TEX2: variants seen among roughly 807,000 people sequenced by gnomAD.
The protein encoded by TEX2 is testis-expressed protein 2.
In TEX2, 53 loss-of-function variants were observed where a neutral mutation model predicts 106.9. The observed-to-expected ratio is 0.50, with a 90% confidence interval of 0.40 to 0.62. The LOEUF is 0.62. Among genes scored for constraint, TEX2 ranks in the 20% least tolerant of loss-of-function variants. The pLI is 0.00. For synonymous variants in TEX2, 523 were observed against 534.8 expected (o/e 0.98, Z 0.30); for missense variants, 1,207 against 1,379.0 (o/e 0.88, Z 1.98).
chr17:64,255,021 C>T (rs922889797), intron 1 of TEX2, among the ~76,000 whole-genome samples: 1 of 145,576 alleles, frequency 6.9e-6, no homozygotes, highest in African/African-American at 2.5e-5. Flanking sequence ...TGTGTCACTG[C>T]ATCTGGCTTT....
chr17:64,220,086 G>A (rs1555633113), intron 1 of TEX2, among the ~76,000 whole-genome samples: 1 of 152,224 alleles, frequency 6.6e-6, no homozygotes, highest in Non-Finnish European at 1.5e-5. Flanking sequence ...AAGGAATGCA[G>A]GTGGCCTATG....
intron 5 of TEX2, among the ~76,000 whole-genome samples, chr17:64,187,724 C>T (rs1385435142): frequency 2.6e-5 from 4 of 152,114 alleles, no homozygotes; most frequent in Non-Finnish European, 4.4e-5. Context: ...ATGCCTACAG[C>T]GGGCCCTTGG....
chr17:64,156,249 C>T (rs2030622388), intron 8 of TEX2: 2 of 152,318 alleles, frequency 1.3e-5, no homozygotes, highest in Admixed American at 6.5e-5. Context: ...GGACTGAAAC[C>T]TCTACACTGG....
chr17:64,223,685 G>A (rs1001278189), intron 1 of TEX2, among the ~76,000 whole-genome samples: 1 of 149,902 alleles, frequency 6.7e-6, no homozygotes, highest in Non-Finnish European at 1.5e-5. Flanking sequence ...TCCAGGTACA[G>A]TGTACAGTGA....
intron 1 of TEX2, among the ~76,000 whole-genome samples, chr17:64,238,342 C>T (rs1416886579): frequency 6.6e-6 from 1 of 152,128 alleles, no homozygotes; most frequent in African/African-American, 2.4e-5. Context: ...CATTTCAAAA[C>T]TGTCTGTGTA....
At position 64,171,156 on chromosome 17, in the gene TEX2, A is replaced by G. The variant is rs2031377664; in HGVS notation, c.2615T>C (p.Met872Thr). The G allele has an allele frequency of 2.5e-6, 4 of 1,614,022 alleles. No homozygotes were observed. The highest frequency in any genetic ancestry group is 1.3e-5 in the African/African-American group (1 of 74,944). The change falls in exon 7 of 12, where the codon ATG (methionine) becomes ACG (threonine). Residue 872 changes from methionine (M) to threonine (T), a missense_variant. Met to Thr is a moderately conservative substitution (Grantham distance 81, BLOSUM62 -1). Around this residue, in one of 3 missense-constraint regions of TEX2, gnomAD observed 1,067 missense variants for 1,193.6 expected, o/e 0.89. Coordinates refer to ENST00000584379, the MANE Select transcript of TEX2 (RefSeq NM_001288732.2). The part of the protein sequence containing the change: ...MNELTLTELD[M>T]GVAVPKILQA... The stretch of plus-strand genomic sequence containing the variant: ...GAGGATTTTTGGCACAGCCACGCCC[A>G]TGTCAAGTTCCGTCAGAGTGAGCTC...
chr17:64,153,229 T>C lies in TEX2; in HGVS notation c.2931-75A>G. 9.9e-7 allele frequency: 1 copy of C among 1,010,220 alleles called. No individual in the cohort carries two copies. Among genetic ancestry groups the C allele is most frequent in the Non-Finnish European group, 1.5e-6 (1 of 668,160 alleles). 62.6% of individuals were successfully genotyped at this position (1,010,220 alleles called of 1,614,324 possible). A position where few individuals can be genotyped will look rare whatever the true frequency, so the allele number is the denominator to read the frequency against. On this transcript the variant is annotated intron_variant, in intron 9 of 11. Transcript: ENST00000584379. This position sits in a 1 kb window ranked among gnomAD's most constrained non-coding sequence, Gnocchi z 4.1. ...ACAGACAAAAACCTGTGGCTCTTCG[T>C]TCCCCTTACTTTAGAGCACCACTCG... is the stretch of plus-strand genomic sequence containing the variant.
At chr17:64,182,750 A>G (rs1164932056) in intron 5 of TEX2, among the ~76,000 whole-genome samples, 3 of 151,984 alleles carry the variant, frequency 2.0e-5, no homozygotes, top group Non-Finnish European at 2.9e-5. Context: ...GACTCCCCTC[A>G]CTAATGTTTT....
At chr17:64,260,027 T>G (rs2034262235) in intron 1 of TEX2, among the ~76,000 whole-genome samples, 1 of 152,244 alleles carries the variant, frequency 6.6e-6, no homozygotes, top group Admixed American at 6.5e-5. Flanking sequence ...TAATTTACCC[T>G]TAAGGTCACA....
At position 64,214,155 on chromosome 17, in the gene TEX2, A is replaced by T. The variant is rs1555632276; in HGVS notation, c.63T>A (p.Pro21=). ...KTTDMPKPSA[P]KVHVQRSVSR... ...ACACGGACCTCTGCACGTGCACTTT[A>T]GGGGCTGATGGTTTTGGCATGTCAG... Residue 21 remains proline, a synonymous_variant, in exon 2 of 12, where the codon CCT becomes CCA. Transcript: ENST00000584379. The T allele has an allele frequency of 6.2e-7, 1 of 1,613,920 alleles. No homozygotes were observed. Among genetic ancestry groups the T allele is most frequent in the East Asian group, 2.2e-5 (1 of 44,894 alleles).
rs1213703764 is a variant in TEX2 at position 64,153,025 on chromosome 17, G to A, written c.3060C>T (p.Pro1020=). ...CTTGTACTTCAACAGTGAGCAGCAG[G>A]GGTGTGTTGGAGACTTCTTCGATCT... ...KKKIEEVSNT[P]LLLTVEVQEC... The change falls in exon 10 of 12, where the codon CCC becomes CCT. Residue 1020 remains proline (P), a synonymous_variant. Coordinates refer to ENST00000584379, the MANE Select transcript of TEX2 (RefSeq NM_001288732.2). This position sits in a 1 kb window ranked among gnomAD's most constrained non-coding sequence, Gnocchi z 4.1. 4 of 1,614,044 alleles carry A rather than the reference G, an allele frequency of 2.5e-6. No individual in the cohort carries two copies. The highest frequency in any genetic ancestry group is 1.3e-5 in the African/African-American group (1 of 74,914).
At chr17:64,206,246 T>A (rs1245703702) in intron 2 of TEX2, among the ~76,000 whole-genome samples, 1 of 152,114 alleles carries the variant, frequency 6.6e-6, no homozygotes, top group African/African-American at 2.4e-5. Flanking sequence ...ACACAGGGGG[T>A]GTCACTACAG....
intron 7 of TEX2, among the ~76,000 whole-genome samples, chr17:64,167,883 C>T (rs572517193): frequency 7.9e-5 from 12 of 152,164 alleles, no homozygotes; most frequent in Admixed American, 5.9e-4. Context: ...TTGCCTGAGG[C>T]CACGAAGCTG....
chr17:64,247,309 A>G lies in TEX2; in HGVS notation c.-26+15859T>C, dbSNP rs1215023539. On this transcript the variant is annotated intron_variant, in intron 1 of 11. Coordinates refer to ENST00000584379, the MANE Select transcript of TEX2 (RefSeq NM_001288732.2). ...AAAGAAAAGAAAAGAAAGAAAGAAGAAGGCAGAGGAGGAAGAAGAGGAATA... is the reference window on the plus strand; with the variant it reads ...AAAGAAAAGAAAAGAAAGAAAGAAGGAGGCAGAGGAGGAAGAAGAGGAATA... Among the ~76,000 whole-genome samples the G allele has an allele frequency of 5.9e-5, 9 of 151,886 alleles. 1 individual carries two copies. The highest frequency in any genetic ancestry group is 2.2e-4 in the African/African-American group (9 of 41,370).
intron 2 of TEX2, among the ~76,000 whole-genome samples, chr17:64,203,200 G>T (rs562696057): frequency 6.6e-6 from 1 of 152,186 alleles, no homozygotes; most frequent in Non-Finnish European, 1.5e-5. Context: ...ATAGCCCGAG[G>T]AAGTGATGAG....
intron 11 of TEX2, chr17:64,149,340 A>C: frequency 2.3e-6 from 1 of 441,364 alleles, no homozygotes; most frequent in Non-Finnish European, 4.1e-6. Flanking sequence ...TTTTGTATAC[A>C]TATAATAAGG....
chr17:64,202,161 G>A (rs372071356), intron 2 of TEX2, among the ~76,000 whole-genome samples: 1 of 152,134 alleles, frequency 6.6e-6, no homozygotes, highest in African/African-American at 2.4e-5. Context: ...GACAGAAATC[G>A]GATGGGCTAA....
chr17:64,240,232 G>GAT (rs1567964355), intron 1 of TEX2, among the ~76,000 whole-genome samples: 1 of 130,910 alleles, frequency 7.6e-6, no homozygotes, highest in African/African-American at 3.5e-5. Context: ...TGTATATGCA[G>GAT]ATGTGTGTGT....
In TEX2 at chr17:64,205,005, A is replaced by G. The variant is rs2032784670; in HGVS notation, c.1644+7569T>C. ...AATATTTTCATCAATAAATAGTTTAAAAATGAAAGTTCAAAAAAGTCATTT... is the reference window on the plus strand; with the variant it reads ...AATATTTTCATCAATAAATAGTTTAGAAATGAAAGTTCAAAAAAGTCATTT... On this transcript the variant is annotated intron_variant, in intron 2 of 11. Coordinates refer to ENST00000584379, the MANE Select transcript of TEX2 (RefSeq NM_001288732.2). The surrounding 1 kb of genome is among the most constrained non-coding windows in gnomAD (Gnocchi z 4.0). 6.6e-6 allele frequency among the ~76,000 whole-genome samples: 1 copy of G among 152,216 alleles called. No homozygotes were observed. The highest frequency in any genetic ancestry group is 1.5e-5 in the Non-Finnish European group (1 of 68,040).
Sources: allele counts gnomAD v4.1 joint callset (sites outside exome capture counted in the v4.1 genomes callset), GRCh38; gene constraint gnomAD v4.1.1; regional missense constraint gnomAD v4.1.1; non-coding constraint Gnocchi (gnomAD v3.1); transcripts MANE v1.5; gene names NCBI Gene and HGNC (gene_info 2026-07-23, HGNC 2026-07-21).